LGALS3BP: variants seen among roughly 807,000 people sequenced by gnomAD.
LGALS3BP encodes galectin-3-binding protein.
Under a neutral mutation model 22.9 loss-of-function variants are expected in LGALS3BP, and 25 were observed. The observed-to-expected ratio is 1.09, with a 90% CI of 0.80 to 1.53. The LOEUF (loss-of-function observed/expected upper bound fraction) is 1.53. LGALS3BP is among the 40% of genes most tolerant of loss of function. The pLI, the probability that LGALS3BP is intolerant of heterozygous loss-of-function variation, is 0.00. For synonymous variants in LGALS3BP, 335 were observed against 331.1 expected (o/e 1.01, Z -0.13); for missense variants, 718 against 752.0 (o/e 0.95, Z 0.53).
chr17:78,972,240 AG>A lies in LGALS3BP; in HGVS notation c.1093del (p.Leu365CysfsTer33). ...GAACAGGGCCTCGTGGCTCCAGTACAGGGACAGGTTGAACTGCAGCTCAAAG... is the reference window on the plus strand; with the variant it reads ...GAACAGGGCCTCGTGGCTCCAGTACAGGACAGGTTGAACTGCAGCTCAAAG... ...ELFELQFNLS[L>X]YWSHEALFQK... On this transcript the variant is annotated frameshift_variant, in exon 6 of 6. Transcript: ENST00000262776. LOFTEE classifies it low-confidence loss of function (END_TRUNC). This position sits in a 1 kb window ranked among gnomAD's most constrained non-coding sequence, Gnocchi z 5.1. 6.2e-7 allele frequency: 1 copy of A among 1,613,856 alleles called. No homozygotes were observed. Among genetic ancestry groups the A allele is most frequent in the Non-Finnish European group, 8.5e-7 (1 of 1,180,012 alleles).
rs755724200 is a variant in LGALS3BP at position 78,975,971 on chromosome 17, C to G, written c.238G>C (p.Gly80Arg). 1.9e-6 allele frequency: 3 copies of G among 1,605,726 alleles called. No individual in the cohort carries two copies. The highest frequency in any genetic ancestry group is 2.5e-6 in the Non-Finnish European group (3 of 1,176,484). ...AGGGGACAGCAGGCCCTACCTTGCC[C>G]GAAGGCAGCTCTGCCCAGAGCCTGG... ...ATQALGRAAFGQGSGPIMLDE... is the reference protein window; with the variant it reads ...ATQALGRAAFRQGSGPIMLDE... Residue 80 changes from glycine (G) to arginine (R), a missense_variant, in exon 3 of 6, where the codon GGG (glycine) becomes CGG (arginine). Transcript: ENST00000262776.
In LGALS3BP at chr17:78,972,962, C is replaced by T. The variant is rs138960736; in HGVS notation, c.629+8G>A. The T allele has an allele frequency of 9.4e-6, 15 of 1,595,974 alleles. No homozygotes were observed. Among genetic ancestry groups the T allele is most frequent in the Non-Finnish European group, 1.3e-5 (15 of 1,167,224 alleles). The stretch of plus-strand genomic sequence containing the variant: ...GCGGCCCCAGAGCCTGAGGACGAGA[C>T]GGCTCACCTGAGAAGGTCCCTGACC... On this transcript the variant is annotated splice_region_variant and intron_variant, in intron 5 of 5. Coordinates refer to ENST00000262776, the MANE Select transcript of LGALS3BP (RefSeq NM_005567.4). The surrounding 1 kb of genome is among the most constrained non-coding windows in gnomAD (Gnocchi z 5.1).
Position 78,973,147 on chromosome 17 carries a change from C to T in LGALS3BP, c.452G>A (p.Arg151Gln), listed in dbSNP as rs1417771903. Residue 151 changes from arginine (R) to glutamine (Q), a missense_variant, in exon 5 of 6, where the codon CGG becomes CAG. Coordinates refer to ENST00000262776, the MANE Select transcript of LGALS3BP (RefSeq NM_005567.4). The surrounding 1 kb of genome is among the most constrained non-coding windows in gnomAD (Gnocchi z 5.8). ...CACGCTGATGGACAGGTCGCAGCCC[C>T]GCTGGCTGTCAAAGATCTGGCCAAG... is the stretch of plus-strand genomic sequence containing the variant. ...EALGQIFDSQ[R>Q]GCDLSISVNV... is the part of the protein sequence containing the mutation. 15 of 1,611,074 alleles carry T rather than the reference C, an allele frequency of 9.3e-6. No homozygotes were observed. Among genetic ancestry groups the T allele is most frequent in the Non-Finnish European group, 1.3e-5 (15 of 1,179,158 alleles).
rs777332455 is a variant in LGALS3BP, at chr17:78,971,651, G to A, written c.1683C>T (p.Cys561=). The change falls in exon 6 of 6, where the codon TGC becomes TGT. Residue 561 remains cysteine, a synonymous_variant. Coordinates refer to ENST00000262776, the MANE Select transcript of LGALS3BP (RefSeq NM_005567.4). The surrounding 1 kb of genome is among the most constrained non-coding windows in gnomAD (Gnocchi z 5.6). ...GGAAGCCGTTGAAGTGCCCTGCCGG[G>A]CAGGGGAAGGAGGAGGTGCTCTTCG... The part of the protein sequence containing the change: ...NSSKSTSSFP[C]PAGHFNGFRT... The A allele has an allele frequency of 1.2e-6, 2 of 1,613,806 alleles. 1 individual carries two copies. Among genetic ancestry groups the A allele is most frequent in the South Asian group, 2.2e-5 (2 of 91,092 alleles).
rs929821232 is a variant in LGALS3BP, at chr17:78,973,993, C to G, written c.376+695G>C. Among the ~76,000 whole-genome samples, 1 of 152,246 alleles carries G rather than the reference C, an allele frequency of 6.6e-6. No homozygotes were observed. The highest frequency in any genetic ancestry group is 1.5e-5 in the Non-Finnish European group (1 of 68,052). ...GTGCTCCCCGCCGCCTCCCCTGGCCCCCGACAGCCCCATGGCGTCTCCTGG... is the reference window on the plus strand; with the variant it reads ...GTGCTCCCCGCCGCCTCCCCTGGCCGCCGACAGCCCCATGGCGTCTCCTGG... On this transcript the variant is annotated intron_variant, in intron 4 of 5. Coordinates refer to ENST00000262776, the MANE Select transcript of LGALS3BP (RefSeq NM_005567.4). The surrounding 1 kb of genome is among the most constrained non-coding windows in gnomAD (Gnocchi z 5.8).
At chr17:78,978,002 G>A (rs935121320) in intron 1 of LGALS3BP, among the ~76,000 whole-genome samples, 2 of 152,120 alleles carry the variant, frequency 1.3e-5, no homozygotes, top group Non-Finnish European at 1.5e-5. Context: ...TTTTGTCTTC[G>A]TCTGCCTCCC....
chr17:78,972,535 C>A lies in LGALS3BP; in HGVS notation c.799G>T (p.Ala267Ser), dbSNP rs1281579628. The change falls in exon 6 of 6, where the codon GCA (alanine) becomes TCA (serine). Residue 267 changes from alanine to serine, a missense_variant. Coordinates refer to ENST00000262776, the MANE Select transcript of LGALS3BP (RefSeq NM_005567.4). The surrounding 1 kb of genome is among the most constrained non-coding windows in gnomAD (Gnocchi z 5.1). The part of the protein sequence containing the change: ...FQMPLDLYAY[A>S]VATGDALLEK... ...AGCAGGGCGTCCCCTGTGGCCACTGCATAGGCATACAGGTCCAGGGGCATC... is the reference window on the plus strand; with the variant it reads ...AGCAGGGCGTCCCCTGTGGCCACTGAATAGGCATACAGGTCCAGGGGCATC... The A allele has an allele frequency of 6.2e-7, 1 of 1,610,976 alleles. No individual in the cohort carries two copies. Among genetic ancestry groups the A allele is most frequent in the African/African-American group, 1.3e-5 (1 of 74,888 alleles).
chr17:78,976,156 C>T lies in LGALS3BP; in HGVS notation c.53G>A (p.Gly18Asp). 6.4e-7 allele frequency: 1 copy of T among 1,571,416 alleles called. No individual in the cohort carries two copies. The highest frequency in any genetic ancestry group is 8.6e-7 in the Non-Finnish European group (1 of 1,158,744). Reference sequence around the variant, plus strand: ...CAGCCGCATGTCACCATCGTTCACGCCTGCAGGCAGAGACCAGCGAGGGCG... The same window carrying T: ...CAGCCGCATGTCACCATCGTTCACGTCTGCAGGCAGAGACCAGCGAGGGCG... Reference protein sequence around the residue: ...WVWLLVAGTQGVNDGDMRLAD... With the variant: ...WVWLLVAGTQDVNDGDMRLAD... The change falls in exon 3 of 6, where the codon GGC (glycine) becomes GAC (aspartate). Residue 18 changes from glycine to aspartate, a missense_variant and splice_region_variant. Transcript: ENST00000262776. The surrounding 1 kb of genome is among the most constrained non-coding windows in gnomAD (Gnocchi z 4.6).
rs369292653 is a variant in LGALS3BP, at chr17:78,971,348, G to A, written c.*228C>T. 2 of 566,126 alleles carry A rather than the reference G, an allele frequency of 3.5e-6. No individual in the cohort carries two copies. Among genetic ancestry groups the A allele is most frequent in the Non-Finnish European group, 3.1e-6 (1 of 318,692 alleles). The allele number at this position is 566,126 out of a possible 1,614,324, so 35.1% of individuals were successfully genotyped here. ...GGGATCCCAGAGCAACCTCGAGGGC[G>A]TCCTGGTGCTTACCACCTGGAAACT... On this transcript the variant is annotated 3_prime_UTR_variant, in exon 6 of 6. Transcript: ENST00000262776. The surrounding 1 kb of genome is among the most constrained non-coding windows in gnomAD (Gnocchi z 5.6).
chr17:78,977,700 G>A (rs370059852), intron 1 of LGALS3BP, among the ~76,000 whole-genome samples: 92 of 152,290 alleles, frequency 6.0e-4, no homozygotes, highest in Admixed American at 1.2e-3. Flanking sequence ...AGGCAGAGAC[G>A]AGGCTGCAGC....
Position 78,973,110 on chromosome 17 carries a change from G to A in LGALS3BP, c.489C>T (p.Gly163=), listed in dbSNP as rs748111326. The change falls in exon 5 of 6, where the codon GGC becomes GGT. Residue 163 remains glycine, a synonymous_variant. Transcript: ENST00000262776. The surrounding 1 kb of genome is among the most constrained non-coding windows in gnomAD (Gnocchi z 5.8). ...GGCCACAGAAGCCCAGGGCGTCCTC[G>A]CCCTGCACATTCACGCTGATGGACA... ...CDLSISVNVQ[G]EDALGFCGHT... is the part of the protein sequence containing the mutation. 2.2e-5 allele frequency: 36 copies of A among 1,613,512 alleles called. No individual in the cohort carries two copies. The South Asian group carries it at 2.6e-4, about 12-fold the overall frequency.
At position 78,974,719 on chromosome 17, in the gene LGALS3BP, G is replaced by C; in HGVS notation, c.345C>G (p.His115Gln). ...SLGWLKSNCRHERDAGVVCTN... is the reference protein window; with the variant it reads ...SLGWLKSNCRQERDAGVVCTN... ...TGCAGACCACACCAGCGTCTCTCTCGTGCCTGCAGTTGCTCTTCAGCCAGC... is the reference window on the plus strand; with the variant it reads ...TGCAGACCACACCAGCGTCTCTCTCCTGCCTGCAGTTGCTCTTCAGCCAGC... The change falls in exon 4 of 6, where the codon CAC becomes CAG. Residue 115 changes from histidine (H) to glutamine (Q), a missense_variant. By Grantham distance (24) the His-to-Gln change is conservative. Coordinates refer to ENST00000262776, the MANE Select transcript of LGALS3BP (RefSeq NM_005567.4). The C allele has an allele frequency of 6.2e-7, 1 of 1,613,736 alleles. No individual in the cohort carries two copies.
rs1316302366 is a variant in LGALS3BP, at chr17:78,972,467, G to C, written c.867C>G (p.Ala289=). ...CLQFLAWNFE[A]LTQAEAWPSV... ...TGGGCCAGGCCTCGGCCTGCGTCAA[G>C]GCCTCGAAGTTCCAGGCCAGGAACT... Residue 289 remains alanine, a synonymous_variant, in exon 6 of 6, where the codon GCC becomes GCG. Coordinates refer to ENST00000262776, the MANE Select transcript of LGALS3BP (RefSeq NM_005567.4). The surrounding 1 kb of genome is among the most constrained non-coding windows in gnomAD (Gnocchi z 5.1). 6.2e-7 allele frequency: 1 copy of C among 1,613,414 alleles called. No homozygotes were observed. The highest frequency in any genetic ancestry group is 2.2e-5 in the East Asian group (1 of 44,882).
rs374385877 is a variant in LGALS3BP at position 78,971,661 on chromosome 17, G to A, written c.1673C>T (p.Ser558Phe). The change falls in exon 6 of 6, where the codon TCC becomes TTC. Residue 558 changes from serine to phenylalanine, a missense_variant. Ser to Phe is a radical substitution (Grantham distance 155, BLOSUM62 -2). Coordinates refer to ENST00000262776, the MANE Select transcript of LGALS3BP (RefSeq NM_005567.4). The surrounding 1 kb of genome is among the most constrained non-coding windows in gnomAD (Gnocchi z 5.6). ...GAAGTGCCCTGCCGGGCAGGGGAAG[G>A]AGGAGGTGCTCTTCGAGCTGTTGGT... ...LDTNSSKSTSSFPCPAGHFNG... is the reference protein window; with the variant it reads ...LDTNSSKSTSFFPCPAGHFNG... The A allele has an allele frequency of 7.4e-6, 12 of 1,613,766 alleles. No homozygotes were observed. Among genetic ancestry groups the A allele is most frequent in the African/African-American group, 1.3e-5 (1 of 74,950 alleles).
In LGALS3BP at chr17:78,977,319, C is replaced by T. The variant is rs1036007974; in HGVS notation, c.-23-105G>A. On this transcript the variant is annotated intron_variant, in intron 1 of 5. Coordinates refer to ENST00000262776, the MANE Select transcript of LGALS3BP (RefSeq NM_005567.4). ...CTTCAGCCCAACCTGGGCTGTGTGG[C>T]AGGCGGGGTCCCTCTCTTGCAGAGC... 3.5e-6 allele frequency: 3 copies of T among 861,696 alleles called. No homozygotes were observed. The African/African-American group carries it at 5.0e-5, about 15-fold the overall frequency. The allele number at this position is 861,696 out of a possible 1,614,324, so 53.4% of individuals were successfully genotyped here. A position where few individuals can be genotyped will look rare whatever the true frequency, so the allele number is the denominator to read the frequency against.
chr17:78,978,952 G>A (rs903449643), intron 1 of LGALS3BP, among the ~76,000 whole-genome samples: 3 of 152,112 alleles, frequency 2.0e-5, no homozygotes, highest in Non-Finnish European at 2.9e-5. Flanking sequence ...GTGTGCACCT[G>A]TAGTCCCAGC....
intron 1 of LGALS3BP, 76 bp from the exon 2 acceptor site, chr17:78,977,290 C>T (rs982141471): frequency 5.7e-6 from 7 of 1,222,170 alleles, no homozygotes; most frequent in African/African-American, 3.0e-5. Context: ...CCTGCCCATT[C>T]ACCCTTCAGC....
At position 78,973,033 on chromosome 17, in the gene LGALS3BP, G is replaced by A. The variant is rs558412406; in HGVS notation, c.566C>T (p.Pro189Leu). The A allele has an allele frequency of 1.5e-5, 25 of 1,613,890 alleles. No individual in the cohort carries two copies. Among genetic ancestry groups the A allele is most frequent in the Admixed American group, 1.3e-4 (8 of 60,004 alleles). ...CACACTCATGGTGACATTGCTGCCC[G>A]GCTCCTTCCACAGGGCCTGGGCCTC... ...NLEAQALWKE[P>L]GSNVTMSVDA... The change falls in exon 5 of 6, where the codon CCG becomes CTG. Residue 189 changes from proline to leucine, a missense_variant. Pro to Leu is a moderately conservative substitution (Grantham distance 98). Coordinates refer to ENST00000262776, the MANE Select transcript of LGALS3BP (RefSeq NM_005567.4). This position sits in a 1 kb window ranked among gnomAD's most constrained non-coding sequence, Gnocchi z 5.8.
At chr17:78,977,867 G>A (rs1053525579) in intron 1 of LGALS3BP, among the ~76,000 whole-genome samples, 1 of 152,244 alleles carries the variant, frequency 6.6e-6, no homozygotes, top group Non-Finnish European at 1.5e-5. Context: ...GGTGGGCCAG[G>A]CTGGGGGAAG....
Sources: allele counts gnomAD v4.1 joint callset (sites outside exome capture counted in the v4.1 genomes callset), GRCh38; gene constraint gnomAD v4.1.1; non-coding constraint Gnocchi (gnomAD v3.1); transcripts MANE v1.5; gene names NCBI Gene and HGNC (gene_info 2026-07-23, HGNC 2026-07-21).